CLTCL1: variants seen among roughly 807,000 people sequenced by gnomAD.
CLTCL1 encodes the protein clathrin heavy chain 2.
A neutral mutation model predicts 190.0 loss-of-function variants in CLTCL1; 159 were observed. The ratio of observed to expected loss-of-function variants is 0.84; its 90% CI spans 0.74 to 0.95. The LOEUF (loss-of-function observed/expected upper bound fraction) is 0.95. Ranked by LOEUF, CLTCL1 falls within the 40% of genes least tolerant of loss-of-function variation. CLTCL1 has a pLI of 0.00. For missense variants in CLTCL1, 1,878 were observed against 2,033.4 expected (o/e 0.92, Z 1.47); for synonymous variants, 752 against 769.6 (o/e 0.98, Z 0.38).
chr22:19,261,791 C>T lies in CLTCL1; in HGVS notation c.251-7564G>A, dbSNP rs559106718. On this transcript the variant is annotated intron_variant, in intron 2 of 32. Transcript: ENST00000427926. Reference sequence around the variant, plus strand: ...GGGGTTTCTTCCAATGGAATCTACTCCCAGTGAAGATGCTGTGAACACTGT... The same window carrying T: ...GGGGTTTCTTCCAATGGAATCTACTTCCAGTGAAGATGCTGTGAACACTGT... 7.9e-4 allele frequency among the ~76,000 whole-genome samples: 120 copies of T among 152,244 alleles called. 1 individual carries two copies. The highest frequency in any genetic ancestry group is 1.6e-3 in the Non-Finnish European group (106 of 68,020).
intron 26 of CLTCL1, among the ~76,000 whole-genome samples, chr22:19,194,729 G>A (rs1555934537): frequency 6.6e-6 from 1 of 152,228 alleles, no homozygotes; most frequent in Admixed American, 6.5e-5. Context: ...GGCTGAGCTG[G>A]GGTGCCCCCC....
At chr22:19,253,153 T>C (rs1394536585) in intron 3 of CLTCL1, among the ~76,000 whole-genome samples, 3 of 152,210 alleles carry the variant, frequency 2.0e-5, no homozygotes, top group African/African-American at 4.8e-5. Flanking sequence ...AAATGCTTTT[T>C]AGTGTTTCAA....
intron 19 of CLTCL1, among the ~76,000 whole-genome samples, chr22:19,213,075 TCC>T (rs1555947761): frequency 1.3e-5 from 2 of 152,082 alleles, no homozygotes. Flanking sequence ...AAATCACATA[TCC>T]AACAAAGGAC....
At chr22:19,216,583 T>C (rs547916133) in intron 18 of CLTCL1, among the ~76,000 whole-genome samples, 1 of 152,346 alleles carries the variant, frequency 6.6e-6, no homozygotes, top group South Asian at 2.1e-4. Flanking sequence ...ATGGCTCCAC[T>C]TCTCTAATGA....
intron 2 of CLTCL1, among the ~76,000 whole-genome samples, chr22:19,261,115 AT>A (rs112343917): frequency 0.13 from 18,285 of 143,544 alleles, 1,327 homozygotes; most frequent in African/African-American, 0.22. Flanking sequence ...TAAGAAATGC[AT>A]TTTTTTTTTT....
At chr22:19,250,169 A>G (rs782702683) in intron 3 of CLTCL1, among the ~76,000 whole-genome samples, 16 of 151,912 alleles carry the variant, frequency 1.1e-4, no homozygotes, top group Non-Finnish European at 1.9e-4. Flanking sequence ...CAGGAGAATC[A>G]CTTGAATCTG....
At chr22:19,230,015 T>C (rs2085868405) in intron 10 of CLTCL1, 40 bp from the exon 11 acceptor site, 1 of 1,538,790 alleles carries the variant, frequency 6.5e-7, no homozygotes, top group South Asian at 1.2e-5. Context: ...CAGTATGTTT[T>C]CATTCAGTGT....
At chr22:19,259,237 T>C (rs2086863791) in intron 2 of CLTCL1, among the ~76,000 whole-genome samples, 1 of 152,078 alleles carries the variant, frequency 6.6e-6, no homozygotes, top group Non-Finnish European at 1.5e-5. Flanking sequence ...TCTGTAGTAG[T>C]TGGGATTACA....
Position 19,188,047 on chromosome 22 carries a change from C to G in CLTCL1, c.4368G>C (p.Gln1456His), listed in dbSNP as rs782097940. 2.5e-6 allele frequency: 4 copies of G among 1,614,032 alleles called. No individual in the cohort carries two copies. The highest frequency in any genetic ancestry group is 3.4e-6 in the Non-Finnish European group (4 of 1,179,894). ...PLVKPYLRSV[Q>H]SHNNKSVNEA... ...CATTCACACTCTTGTTGTTGTGGCT[C>G]TGGACTGACCGCAGGTAAGGCTTCA... is the stretch of plus-strand genomic sequence containing the variant. Residue 1456 changes from glutamine (Q) to histidine (H), a missense_variant, in exon 28 of 33, where the codon CAG becomes CAC. Coordinates refer to ENST00000427926, the MANE Select transcript of CLTCL1 (RefSeq NM_007098.4).
intron 1 of CLTCL1, among the ~76,000 whole-genome samples, chr22:19,290,876 G>C (rs150043804): frequency 6.6e-6 from 1 of 152,152 alleles, no homozygotes; most frequent in African/African-American, 2.4e-5. Flanking sequence ...ATTTAACACA[G>C]AGCACTCAGG....
In CLTCL1 at chr22:19,252,969, G is replaced by C. The variant is rs138666937; in HGVS notation, c.519+990C>G. On this transcript the variant is annotated intron_variant, in intron 3 of 32. Transcript: ENST00000427926. The stretch of plus-strand genomic sequence containing the variant: ...GCAGAGCTTGCAGTGAGCCGAGATC[G>C]CGCCACTGCACTCCAGCTTGGGTGA... Among the ~76,000 whole-genome samples, 1,419 of 147,288 alleles carry C rather than the reference G, an allele frequency of 9.6e-3. 8 individuals are homozygous for C. The highest frequency in any genetic ancestry group is 0.03 in the East Asian group (150 of 4,998).
At chr22:19,196,789 C>T (rs1342089536) in intron 24 of CLTCL1, 133 bp from the exon 25 acceptor site, 7 of 960,228 alleles carry the variant, frequency 7.3e-6, no homozygotes, top group East Asian at 5.3e-5. Flanking sequence ...GTGAAGAAAA[C>T]GTGTATACAT....
intron 22 of CLTCL1, among the ~76,000 whole-genome samples, chr22:19,206,881 G>A (rs1555943031): frequency 6.6e-6 from 1 of 152,026 alleles, no homozygotes; most frequent in African/African-American, 2.4e-5. Flanking sequence ...CTACATGGCG[G>A]ACTCCACAAT....
At chr22:19,256,318 C>G (rs904377033) in intron 2 of CLTCL1, among the ~76,000 whole-genome samples, 1 of 150,084 alleles carries the variant, frequency 6.7e-6, no homozygotes, top group South Asian at 2.1e-4. Flanking sequence ...CTGCCACACT[C>G]AGCTAATTTT....
intron 29 of CLTCL1, chr22:19,184,681 C>A: frequency 2.4e-6 from 1 of 418,062 alleles, no homozygotes; most frequent in Non-Finnish European, 4.9e-6. Flanking sequence ...TTGTCTTCCA[C>A]ATGTGCCTAA....
In CLTCL1 at chr22:19,235,696, C is replaced by T. The variant is rs782077943; in HGVS notation, c.969G>A (p.Gln323=). ...SGIIGVNKKG[Q]VLSVCVEEDN... is the part of the protein sequence containing the mutation. ...AAAATGAAATGTCAGAGTTACACAC[C>T]TGTCCCTTTTTGTTGACACCAATAA... Residue 323 remains glutamine (Q), a splice_region_variant and synonymous_variant, in exon 6 of 33, where the codon CAG becomes CAA. Coordinates refer to ENST00000427926, the MANE Select transcript of CLTCL1 (RefSeq NM_007098.4). 6 of 1,611,994 alleles carry T rather than the reference C, an allele frequency of 3.7e-6. No homozygotes were observed. The highest frequency in any genetic ancestry group is 1.7e-5 in the Admixed American group (1 of 59,752).
rs1481275126 is a variant in CLTCL1 at position 19,221,163 on chromosome 22, T to TA, written c.2796+213dup. The stretch of plus-strand genomic sequence containing the variant: ...GTAAGGACTGTAAGCAGAGGGATGA[T>TA]AAGTCAGGTTCAGGACCAACTGGTC... On this transcript the variant is annotated intron_variant, in intron 17 of 32. Coordinates refer to ENST00000427926, the MANE Select transcript of CLTCL1 (RefSeq NM_007098.4). 2.0e-5 allele frequency among the ~76,000 whole-genome samples: 3 copies of TA among 152,186 alleles called. No homozygotes were observed. In the East Asian group the frequency reaches 5.8e-4, roughly 29 times the overall value.
At chr22:19,270,807 A>T (rs1008847974) in intron 2 of CLTCL1, among the ~76,000 whole-genome samples, 27 of 150,906 alleles carry the variant, frequency 1.8e-4, no homozygotes, top group African/African-American at 6.3e-4. Flanking sequence ...GAAAGATATA[A>T]AAAAAAAATC....
At chr22:19,197,288 A>G (rs1000411591) in intron 24 of CLTCL1, among the ~76,000 whole-genome samples, 5 of 151,950 alleles carry the variant, frequency 3.3e-5, no homozygotes, top group Non-Finnish European at 5.9e-5. Flanking sequence ...CAAGGAGGAC[A>G]CCCTTCTGTG....
Sources: allele counts gnomAD v4.1 joint callset (sites outside exome capture counted in the v4.1 genomes callset), GRCh38; gene constraint gnomAD v4.1.1; transcripts MANE v1.5; gene names NCBI Gene and HGNC (gene_info 2026-07-23, HGNC 2026-07-21).